The following LIN54 variants were observed in gnomAD, a reference collection of about 807,000 sequenced individuals.
LIN54 encodes the protein protein lin-54 homolog.
LIN54 carries 9 observed loss-of-function variants against 78.7 expected under a neutral mutation model. The ratio of observed to expected loss-of-function variants is 0.11; its 90% CI spans 0.07 to 0.20. LIN54 has a LOEUF of 0.20. LIN54 is among the 10% of genes least tolerant of loss of function. LIN54 has a pLI of 1.00. For synonymous variants in LIN54, 269 were observed against 318.4 expected (o/e 0.84, Z 1.65); for missense variants, 573 against 889.9 (o/e 0.64, Z 4.53).
Position 83,010,535 on chromosome 4 carries a change from G to C in LIN54, c.-84C>G. On this transcript the variant is annotated 5_prime_UTR_variant, in exon 1 of 13. Coordinates refer to ENST00000340417, the MANE Select transcript of LIN54 (RefSeq NM_194282.4). The stretch of plus-strand genomic sequence containing the variant: ...CTCGGGCTCCGAGGTAGGGGCTCCA[G>C]AAGGTCCTGGGCAATCCCGAGCCCC... The C allele has an allele frequency of 8.4e-7, 1 of 1,187,156 alleles. No individual in the cohort carries two copies. Among genetic ancestry groups the C allele is most frequent in the Non-Finnish European group, 1.0e-6 (1 of 959,794 alleles). The allele number at this position is 1,187,156 out of a possible 1,614,324, so 73.5% of individuals were successfully genotyped here. A position where few individuals can be genotyped will look rare whatever the true frequency, so the allele number is the denominator to read the frequency against.
intron 4 of LIN54, among the ~76,000 whole-genome samples, chr4:82,969,487 G>C (rs1240094901): frequency 1.3e-5 from 2 of 152,180 alleles, no homozygotes; most frequent in Non-Finnish European, 2.9e-5. Context: ...TATGCAGGTA[G>C]AATTTGACCT....
chr4:82,951,239 G>C (rs1723818965), intron 4 of LIN54, among the ~76,000 whole-genome samples: 1 of 152,150 alleles, frequency 6.6e-6, no homozygotes, highest in African/African-American at 2.4e-5. Flanking sequence ...TGAATCTTAA[G>C]ATGCACGAGA....
In LIN54 at chr4:82,925,875, C is replaced by T. The variant is rs772360466; in HGVS notation, c.*2227G>A. 6.6e-6 allele frequency: 1 copy of T among 152,472 alleles called. No individual in the cohort carries two copies. Among genetic ancestry groups the T allele is most frequent in the Admixed American group, 6.5e-5 (1 of 15,270 alleles). The allele number at this position is 152,472 out of a possible 1,614,324, so 9.4% of individuals were successfully genotyped here. ...AGAGCTAAAAAATTATATACCCAAC[C>T]CTCCCCAAATAGTCTTTTAAAATCA... On this transcript the variant is annotated 3_prime_UTR_variant, in exon 13 of 13. Transcript: ENST00000340417.
At chr4:82,957,090 C>T (rs1482720036) in intron 4 of LIN54, among the ~76,000 whole-genome samples, 1 of 152,148 alleles carries the variant, frequency 6.6e-6, no homozygotes, top group Non-Finnish European at 1.5e-5. Flanking sequence ...AAATGGATCC[C>T]ATCCTTTTCA....
intron 1 of LIN54, among the ~76,000 whole-genome samples, chr4:83,001,916 AGGG>A (rs1560796149): frequency 0.094 from 212 of 2,260 alleles, 66 homozygotes; most frequent in East Asian, 0.5. Flanking sequence ...GGAGGGAGGG[AGGG>A]AGGGAGGGAG....
chr4:82,938,830 A>G (rs1436272224), intron 7 of LIN54, among the ~76,000 whole-genome samples: 1 of 152,264 alleles, frequency 6.6e-6, no homozygotes, highest in African/African-American at 2.4e-5. Flanking sequence ...GAAAAATGCA[A>G]TGTGCCTACT....
intron 1 of LIN54, among the ~76,000 whole-genome samples, chr4:82,990,938 G>A (rs909945994): frequency 6.6e-6 from 1 of 152,054 alleles, no homozygotes; most frequent in African/African-American, 2.4e-5. Context: ...ACATATCCTT[G>A]AAAAGATCAT....
chr4:82,996,094 G>A (rs936651738), intron 1 of LIN54, among the ~76,000 whole-genome samples: 1 of 151,740 alleles, frequency 6.6e-6, no homozygotes, highest in African/African-American at 2.4e-5. Context: ...GCGGTGAGCC[G>A]AAATCATGAG....
intron 4 of LIN54, among the ~76,000 whole-genome samples, chr4:82,950,688 C>A (rs1020876305): frequency 3.3e-5 from 5 of 152,050 alleles, no homozygotes; most frequent in African/African-American, 4.8e-5. Flanking sequence ...TAAGTGACTG[C>A]CCTCAAAAAC....
At chr4:82,961,875 G>C (rs1348015063) in intron 4 of LIN54, among the ~76,000 whole-genome samples, 1 of 151,518 alleles carries the variant, frequency 6.6e-6, no homozygotes, top group Non-Finnish European at 1.5e-5. Flanking sequence ...AGGATCGCTT[G>C]AACCCTGGAG....
At chr4:82,928,556 G>A (rs558503252) in intron 12 of LIN54, among the ~76,000 whole-genome samples, 23 of 152,170 alleles carry the variant, frequency 1.5e-4, no homozygotes, top group African/African-American at 5.3e-4. Context: ...CCTAGGCAAG[G>A]TTATGTGGTT....
At chr4:83,007,008 C>T (rs7697324) in intron 1 of LIN54, among the ~76,000 whole-genome samples, 64,564 of 151,776 alleles carry the variant, frequency 0.43, 16,823 homozygotes, top group Admixed American at 0.58. Context: ...GGCATGGTGG[C>T]GGGCACCTGT....
chr4:83,004,828 C>G (rs1729208398), intron 1 of LIN54, among the ~76,000 whole-genome samples: 1 of 152,084 alleles, frequency 6.6e-6, no homozygotes, highest in African/African-American at 2.4e-5. Flanking sequence ...ACAACATCAT[C>G]CATCACCCTA....
At chr4:82,963,522 T>C (rs555495392) in intron 4 of LIN54, among the ~76,000 whole-genome samples, 1 of 152,256 alleles carries the variant, frequency 6.6e-6, no homozygotes, top group African/African-American at 2.4e-5. Context: ...ATGGAATTTA[T>C]AACATGTAAA....
chr4:82,939,451 T>C, intron 7 of LIN54, 88 bp downstream of exon 7: 9 of 1,081,656 alleles, frequency 8.3e-6, no homozygotes, highest in Non-Finnish European at 1.1e-5. Context: ...CTGAGTTAGA[T>C]GTGTTTGAGT....
rs1722386841 is a variant in LIN54, at chr4:82,936,271, AT to A, written c.1707+7del. The A allele has an allele frequency of 1.3e-6, 2 of 1,540,500 alleles. No homozygotes were observed. The highest frequency in any genetic ancestry group is 1.2e-5 in the South Asian group (1 of 86,048). On this transcript the variant is annotated splice_region_variant and intron_variant, in intron 10 of 12. Transcript: ENST00000340417. ...TTCTGTCAGTTAAATGAAATAAAAAATAATCACCTTTATTGCTTTTTGCCTT... is the reference window on the plus strand; with the variant it reads ...TTCTGTCAGTTAAATGAAATAAAAAAAATCACCTTTATTGCTTTTTGCCTT...
intron 3 of LIN54, among the ~76,000 whole-genome samples, chr4:82,976,088 T>C (rs1211513659): frequency 6.6e-6 from 1 of 152,212 alleles, no homozygotes; most frequent in African/African-American, 2.4e-5. Context: ...TAGATCCATA[T>C]GGTGATCTCT....
chr4:82,975,667 G>A (rs1049192310), intron 3 of LIN54, among the ~76,000 whole-genome samples: 9 of 150,334 alleles, frequency 6.0e-5, no homozygotes, highest in South Asian at 2.1e-4. Context: ...AGCCGAGATC[G>A]CGCCATTGCA....
chr4:83,002,990 G>C (rs191652036), intron 1 of LIN54, among the ~76,000 whole-genome samples: 72 of 152,194 alleles, frequency 4.7e-4, no homozygotes, highest in African/African-American at 1.7e-3. Context: ...GCATTAACTG[G>C]TTAACTATAC....
Sources: gnomAD v4.1 joint callset for allele counts (sites outside exome capture counted in the v4.1 genomes callset) on GRCh38, gnomAD v4.1.1 for gene constraint, MANE v1.5 for transcripts, NCBI Gene and HGNC (gene_info 2026-07-23, HGNC 2026-07-21) for gene names.